HSF2BP: variants seen among roughly 807,000 people sequenced by gnomAD.
HSF2BP encodes heat shock factor 2-binding protein.
HSF2BP carries 35 observed loss-of-function variants against 35.0 expected under a neutral mutation model. That is an observed-to-expected ratio of 1.00 (90% confidence interval 0.76 to 1.32). The LOEUF is 1.32. HSF2BP is among the 40% of genes most tolerant of loss of function. The probability of loss-of-function intolerance (pLI) is 0.00; values close to 1 mark genes in which losing one functional copy is unlikely to be tolerated. For synonymous variants in HSF2BP, 114 were observed against 117.4 expected (o/e 0.97, Z 0.18); for missense variants, 326 against 321.7 (o/e 1.01, Z -0.10).
chr21:43,632,080 G>T (rs1361750555), intron 5 of HSF2BP, among the ~76,000 whole-genome samples: 1 of 9,482 alleles, frequency 1.1e-4, no homozygotes, highest in Non-Finnish European at 1.6e-4. Context: ...ACATACACAC[G>T]CTCCCACACA....
At chr21:43,616,041 GAA>G (rs72045043) in intron 6 of HSF2BP, among the ~76,000 whole-genome samples, 9 of 141,258 alleles carry the variant, frequency 6.4e-5, no homozygotes, top group South Asian at 4.5e-4. Flanking sequence ...CATCGCTGAA[GAA>G]AAAAAAAAAA....
intron 7 of HSF2BP, among the ~76,000 whole-genome samples, chr21:43,611,072 CA>C (rs1042711232): frequency 2.0e-5 from 3 of 152,030 alleles, no homozygotes; most frequent in African/African-American, 7.2e-5. Context: ...CCCGTCTCTA[CA>C]AAAAAATTTT....
At chr21:43,653,461 A>C (rs1245238634) in intron 3 of HSF2BP, among the ~76,000 whole-genome samples, 1 of 150,798 alleles carries the variant, frequency 6.6e-6, no homozygotes, top group Non-Finnish European at 1.5e-5. Context: ...CATGTGTCTG[A>C]AGGAAGCATA....
At chr21:43,619,472 T>TC (rs1199107091) in intron 6 of HSF2BP, among the ~76,000 whole-genome samples, 10 of 152,160 alleles carry the variant, frequency 6.6e-5, no homozygotes, top group African/African-American at 2.2e-4. Flanking sequence ...AGCAGCAATA[T>TC]CCCAGAACTC....
intron 8 of HSF2BP, 102 bp downstream of exon 8, chr21:43,592,123 T>G (rs2146786363): frequency 1.4e-6 from 1 of 717,584 alleles, no homozygotes; most frequent in Middle Eastern, 2.4e-4. Flanking sequence ...CTATCTCTGG[T>G]TTCAGACATC....
chr21:43,622,587 T>C (rs1315564588), intron 6 of HSF2BP, among the ~76,000 whole-genome samples: 1 of 152,200 alleles, frequency 6.6e-6, no homozygotes, highest in Non-Finnish European at 1.5e-5. Flanking sequence ...AGTCACTATA[T>C]AATGAAAAAT....
chr21:43,634,239 C>T (rs1010662628), intron 4 of HSF2BP, among the ~76,000 whole-genome samples: 10 of 152,154 alleles, frequency 6.6e-5, no homozygotes, highest in Non-Finnish European at 1.3e-4. Flanking sequence ...ACAAGGGAAA[C>T]ACAGGGAATG....
chr21:43,658,460 CCG>C (rs2082912184), intron 1 of HSF2BP, 140 bp from the exon 2 acceptor site: 1 of 273,496 alleles, frequency 3.7e-6, no homozygotes, highest in African/African-American at 2.2e-5. Context: ...AACCTCGCCT[CCG>C]CGCGCCTTCC....
intron 8 of HSF2BP, among the ~76,000 whole-genome samples, chr21:43,574,356 CTTTT>C (rs1296833574): frequency 6.6e-6 from 1 of 151,100 alleles, no homozygotes; most frequent in Non-Finnish European, 1.5e-5. Context: ...AGCCCTTTTT[CTTTT>C]TCTCTTTTTT....
Position 43,658,772 on chromosome 21 carries a change from C to T in HSF2BP, c.-224-452G>A, listed in dbSNP as rs537984306. On this transcript the variant is annotated intron_variant, in intron 1 of 8. Coordinates refer to ENST00000291560, the MANE Select transcript of HSF2BP (RefSeq NM_007031.2). ...CCAGGCCTCGGGACGCCTGCGCGGG[C>T]GCCCTTGCACTGGCACCAGGGCTCC... 5.2e-3 allele frequency among the ~76,000 whole-genome samples: 794 copies of T among 152,342 alleles called. 7 individuals carry two copies. Among genetic ancestry groups the T allele is most frequent in the African/African-American group, 0.018 (749 of 41,584 alleles).
chr21:43,588,249 G>A (rs1238053012), intron 8 of HSF2BP, among the ~76,000 whole-genome samples: 1 of 151,978 alleles, frequency 6.6e-6, no homozygotes, highest in Non-Finnish European at 1.5e-5. Context: ...GTAGTGGCAG[G>A]CACCTGTAAT....
chr21:43,624,542 T>C (rs941399623), intron 6 of HSF2BP, among the ~76,000 whole-genome samples: 1 of 152,144 alleles, frequency 6.6e-6, no homozygotes, highest in African/African-American at 2.4e-5. Context: ...GGAGGAGGGA[T>C]TGGCAGGCCA....
intron 8 of HSF2BP, among the ~76,000 whole-genome samples, chr21:43,584,756 T>C (rs929231824): frequency 2.2e-4 from 34 of 152,198 alleles, no homozygotes; most frequent in African/African-American, 8.2e-4. Context: ...ACTTTCGGAT[T>C]AAGCGAGTAT....
At chr21:43,652,400 CAAAAA>C (rs35714746) in intron 3 of HSF2BP, among the ~76,000 whole-genome samples, 3 of 89,354 alleles carry the variant, frequency 3.4e-5, no homozygotes, top group Non-Finnish European at 4.5e-5. Context: ...CAGACACCAT[CAAAAA>C]AAAAAAAAAA....
At chr21:43,578,232 T>C (rs1318091363) in intron 8 of HSF2BP, among the ~76,000 whole-genome samples, 1 of 152,102 alleles carries the variant, frequency 6.6e-6, no homozygotes, top group Admixed American at 6.5e-5. Context: ...AGACCATCCA[T>C]TTTCAACCCT....
intron 8 of HSF2BP, among the ~76,000 whole-genome samples, chr21:43,581,108 C>T (rs1340456318): frequency 6.6e-6 from 1 of 152,142 alleles, no homozygotes; most frequent in Non-Finnish European, 1.5e-5. Flanking sequence ...AAAAGGCAGC[C>T]GGACGCAGTG....
In HSF2BP at chr21:43,630,380, G is replaced by A; in HGVS notation, c.516C>T (p.Val172=). Residue 172 remains valine (V), a synonymous_variant, in exon 6 of 9, where the codon GTC becomes GTT. Transcript: ENST00000291560. ...ESFVKSLDGD[V]QELDSDESQF... Reference sequence around the variant, plus strand: ...GACTTTCATCCGAATCCAGCTCCTGGACATCACCGTCTAACGACTTCACAA... The same window carrying A: ...GACTTTCATCCGAATCCAGCTCCTGAACATCACCGTCTAACGACTTCACAA... The A allele has an allele frequency of 3.1e-6, 5 of 1,613,436 alleles. No individual in the cohort carries two copies. The highest frequency in any genetic ancestry group is 4.2e-6 in the Non-Finnish European group (5 of 1,179,810).
chr21:43,647,928 CAAAAAAAAAAAAA>C (rs774339620), intron 3 of HSF2BP, among the ~76,000 whole-genome samples: 1 of 76,804 alleles, frequency 1.3e-5, no homozygotes, highest in African/African-American at 4.6e-5. Context: ...GACTTCATCT[CAAAAAAAAAAAAA>C]AAAAAAAAAA....
intron 8 of HSF2BP, among the ~76,000 whole-genome samples, chr21:43,575,700 G>A (rs1482488629): frequency 6.6e-6 from 1 of 152,182 alleles, no homozygotes; most frequent in Non-Finnish European, 1.5e-5. Flanking sequence ...GTGAGCTAAT[G>A]TTAGGATCCC....
Sources: gnomAD v4.1 joint callset for allele counts (sites outside exome capture counted in the v4.1 genomes callset) on GRCh38, gnomAD v4.1.1 for gene constraint, MANE v1.5 for transcripts, NCBI Gene and HGNC (gene_info 2026-07-23, HGNC 2026-07-21) for gene names.